Variants in NOP58 observed in about 807,000 individuals in gnomAD.
NOP58 encodes NOP58 ribonucleoprotein.
A neutral mutation model predicts 71.2 loss-of-function variants in NOP58; 44 were observed. The ratio of observed to expected loss-of-function variants is 0.62; its 90% confidence interval spans 0.49 to 0.79. NOP58 has a LOEUF of 0.79. Ranked by LOEUF, NOP58 falls within the 30% of genes least tolerant of loss-of-function variation. NOP58 has a pLI of 0.00. For synonymous variants in NOP58, 228 were observed against 200.3 expected (o/e 1.14, Z -1.17); for missense variants, 538 against 620.2 (o/e 0.87, Z 1.41).
rs1482858973 is a variant in NOP58 at position 202,297,379 on chromosome 2, AT to A, written c.1075del (p.Ser359LeufsTer33). ...ATAGTTCTTCATGTTTTTCTATTAG[AT>A]TTCTCGAATGCTGGCAGCCAAAACC... The part of the protein sequence containing the change: ...GQTSPKHKGK[I>X]SRMLAAKTVL... On this transcript the variant is annotated frameshift_variant and splice_region_variant, in exon 11 of 15. Transcript: ENST00000264279. LOFTEE classifies it high-confidence loss of function. 1 of 1,611,178 alleles carries A rather than the reference AT, an allele frequency of 6.2e-7. No individual in the cohort carries two copies. The highest frequency in any genetic ancestry group is 1.3e-5 in the African/African-American group (1 of 74,772).
chr2:202,282,618 C>A (rs1257344768), intron 4 of NOP58, 146 bp downstream of exon 4: 3 of 717,176 alleles, frequency 4.2e-6, no homozygotes, highest in African/African-American at 1.8e-5. Context: ...ATGGATTTCC[C>A]CTAACATCAG....
chr2:202,303,340 C>T, intron 14 of NOP58, 46 bp from the exon 15 acceptor site: 2 of 1,606,070 alleles, frequency 1.2e-6, no homozygotes, highest in Non-Finnish European at 1.7e-6. Context: ...ATTACTCACC[C>T]ATACAATTTC....
intron 5 of NOP58, 106 bp downstream of exon 5, chr2:202,284,587 C>G: frequency 8.4e-7 from 1 of 1,185,192 alleles, no homozygotes; most frequent in Non-Finnish European, 1.2e-6. Context: ...ACATCAGAAC[C>G]TTATGAAGAA....
chr2:202,297,381 T>A lies in NOP58; in HGVS notation c.1074T>A (p.Ile358=). The A allele has an allele frequency of 1.2e-6, 2 of 1,611,542 alleles. No individual in the cohort carries two copies. Among genetic ancestry groups the A allele is most frequent in the Non-Finnish European group, 1.7e-6 (2 of 1,178,976 alleles). ...AGTTCTTCATGTTTTTCTATTAGAT[T>A]TCTCGAATGCTGGCAGCCAAAACCG... ...GQTSPKHKGK[I]SRMLAAKTVL... is the part of the protein sequence containing the mutation. Residue 358 remains isoleucine, a splice_region_variant and synonymous_variant, in exon 11 of 15, where the codon ATT becomes ATA. Transcript: ENST00000264279.
chr2:202,284,060 T>A (rs1574381902), intron 4 of NOP58, among the ~76,000 whole-genome samples: 1 of 151,736 alleles, frequency 6.6e-6, no homozygotes, highest in Non-Finnish European at 1.5e-5. Context: ...GGCGGGCGGA[T>A]CACTTGAGGT....
intron 2 of NOP58, among the ~76,000 whole-genome samples, chr2:202,276,973 C>G (rs1272469835): frequency 2.0e-5 from 3 of 150,678 alleles, no homozygotes; most frequent in Non-Finnish European, 4.4e-5. Flanking sequence ...CTCTTCTCTA[C>G]TAAAAAATAC....
chr2:202,296,666 G>A (rs1175974229), intron 10 of NOP58, among the ~76,000 whole-genome samples: 1 of 152,094 alleles, frequency 6.6e-6, no homozygotes, highest in African/African-American at 2.4e-5. Flanking sequence ...GGAAAATAAA[G>A]CGTTCAATAA....
chr2:202,300,020 A>G (rs1230614349), intron 12 of NOP58: 10 of 445,710 alleles, frequency 2.2e-5, no homozygotes, highest in Non-Finnish European at 4.0e-5. Flanking sequence ...TTAGCTCACC[A>G]CATCTCTTGA....
intron 12 of NOP58, among the ~76,000 whole-genome samples, chr2:202,298,853 G>C (rs1427694008): frequency 1.3e-5 from 2 of 150,068 alleles, no homozygotes; most frequent in African/African-American, 2.5e-5. Context: ...TGGCACAGCT[G>C]TTCTAGGAAG....
intron 1 of NOP58, among the ~76,000 whole-genome samples, chr2:202,272,116 C>G (rs191300802): frequency 5.4e-5 from 8 of 149,472 alleles, no homozygotes; most frequent in African/African-American, 2.0e-4. Flanking sequence ...AGATGAGTGA[C>G]AAGATGATTT....
intron 1 of NOP58, among the ~76,000 whole-genome samples, chr2:202,274,309 C>T (rs1379355157): frequency 6.6e-6 from 1 of 151,910 alleles, no homozygotes; most frequent in Non-Finnish European, 1.5e-5. Flanking sequence ...CTCACTGCAA[C>T]CTCTGCCTCC....
chr2:202,284,047 T>C (rs113176525), intron 4 of NOP58, among the ~76,000 whole-genome samples: 42 of 151,912 alleles, frequency 2.8e-4, no homozygotes, highest in African/African-American at 9.6e-4. Flanking sequence ...TTTGGGAAGA[T>C]GAGGCGGGCG....
At position 202,282,439 on chromosome 2, in the gene NOP58, A is replaced by G. The variant is rs544589223; in HGVS notation, c.264A>G (p.Ala88=). 5.0e-6 allele frequency: 8 copies of G among 1,612,254 alleles called. No individual in the cohort carries two copies. The East Asian group carries it at 1.6e-4, about 31-fold the overall frequency. ...TAAAAGAAGCCCATGAACCGCTGGC[A>G]GTAGCTGATGCTAAACTAGGAGGGG... ...KIVKEAHEPL[A]VADAKLGGVI... The change falls in exon 4 of 15, where the codon GCA becomes GCG. Residue 88 remains alanine, a synonymous_variant. Coordinates refer to ENST00000264279, the MANE Select transcript of NOP58 (RefSeq NM_015934.5).
intron 1 of NOP58, among the ~76,000 whole-genome samples, chr2:202,273,512 T>C (rs773655144): frequency 6.6e-6 from 1 of 152,248 alleles, no homozygotes; most frequent in Non-Finnish European, 1.5e-5. Flanking sequence ...TAAGTAGAAA[T>C]AGTATACAAC....
chr2:202,266,934 A>AGTTGT (rs1284797379), intron 1 of NOP58, among the ~76,000 whole-genome samples: 1 of 152,184 alleles, frequency 6.6e-6, no homozygotes, highest in African/African-American at 2.4e-5. Flanking sequence ...CTGATAATGC[A>AGTTGT]GTTGTGTAGA....
intron 5 of NOP58, among the ~76,000 whole-genome samples, chr2:202,285,194 C>T (rs1688768413): frequency 6.6e-6 from 1 of 151,774 alleles, no homozygotes; most frequent in South Asian, 2.1e-4. Context: ...GCGTGCACCA[C>T]TACTGCCCAA....
At chr2:202,281,115 TTTTTC>T (rs959212002) in intron 3 of NOP58, among the ~76,000 whole-genome samples, 6 of 151,658 alleles carry the variant, frequency 4.0e-5, no homozygotes, top group Admixed American at 1.3e-4. Context: ...CTGCCAAGCA[TTTTTC>T]TTTTCTTTTT....
intron 3 of NOP58, among the ~76,000 whole-genome samples, chr2:202,279,950 A>C (rs931670011): frequency 1.3e-5 from 2 of 152,230 alleles, no homozygotes; most frequent in Admixed American, 6.5e-5. Flanking sequence ...CAGCTATAGA[A>C]GGTTTATAAT....
chr2:202,265,880 G>C lies in NOP58; in HGVS notation c.-62G>C. On this transcript the variant is annotated 5_prime_UTR_variant, in exon 1 of 15. Coordinates refer to ENST00000264279, the MANE Select transcript of NOP58 (RefSeq NM_015934.5). Reference sequence around the variant, plus strand: ...GAGGCCTTTTGAGGCCGCGTAGTCGGTGTTTTTGAACTGACTCTACAGCTT... The same window carrying C: ...GAGGCCTTTTGAGGCCGCGTAGTCGCTGTTTTTGAACTGACTCTACAGCTT... The C allele has an allele frequency of 2.5e-6, 4 of 1,604,096 alleles. No individual in the cohort carries two copies. The highest frequency in any genetic ancestry group is 3.4e-5 in the Admixed American group (2 of 59,514).
Sources: allele counts gnomAD v4.1 joint callset (sites outside exome capture counted in the v4.1 genomes callset), GRCh38; gene constraint gnomAD v4.1.1; transcripts MANE v1.5; gene names NCBI Gene and HGNC (gene_info 2026-07-23, HGNC 2026-07-21).